Variants in PDE10A observed in about 807,000 individuals in gnomAD.
PDE10A encodes the protein phosphodiesterase 10A, also known as cAMP and cAMP-inhibited cGMP 3',5'-cyclic phosphodiesterase 10A.
PDE10A carries 39 observed loss-of-function variants against 97.7 expected under a neutral mutation model. The observed-to-expected ratio is 0.40, with a 90% CI of 0.31 to 0.52. The LOEUF (loss-of-function observed/expected upper bound fraction) is 0.52, where lower values mean the gene tolerates loss of function less well. PDE10A is among the 20% of genes least tolerant of loss of function. PDE10A has a pLI of 0.56. For synonymous variants in PDE10A, 371 were observed against 376.8 expected, an observed-to-expected ratio of 0.98 and a Z score of 0.18; for missense variants, 731 against 1,047.8, an observed-to-expected ratio of 0.70 and a Z score of 4.17.
chr6:165,687,868 GGTGGGGCCTGGAAGCTTGAAAT>G (rs1182136611), intron 1 of PDE10A, among the ~76,000 whole-genome samples: 2 of 152,166 alleles, frequency 1.3e-5, no homozygotes, highest in African/African-American at 4.8e-5. Flanking sequence ...AGCCTGGTGA[GGTGGGGCCTGGAAGCTTGAAAT>G]GTGGGGCCTG....
chr6:165,576,387 T>G (rs745926534), intron 1 of PDE10A: 1 of 780,794 alleles, frequency 1.3e-6, no homozygotes, highest in East Asian at 2.4e-5. Context: ...AAATTTCTTT[T>G]GCTGGCTTCG....
chr6:165,924,774 T>A (rs146721173), intron 1 of PDE10A, among the ~76,000 whole-genome samples: 1 of 152,158 alleles, frequency 6.6e-6, no homozygotes, highest in Non-Finnish European at 1.5e-5. Context: ...CCAAAATGGA[T>A]CACAAACTTA....
intron 1 of PDE10A, among the ~76,000 whole-genome samples, chr6:165,583,624 A>G (rs764114999): frequency 1.2e-4 from 19 of 152,228 alleles, no homozygotes; most frequent in Non-Finnish European, 1.9e-4. Flanking sequence ...TGTTCAAACC[A>G]TGTCCCCATA....
At chr6:165,965,439 A>T (rs368519484) in intron 1 of PDE10A, among the ~76,000 whole-genome samples, 1 of 152,156 alleles carries the variant, frequency 6.6e-6, no homozygotes, top group South Asian at 2.1e-4. Flanking sequence ...GAACACGGGA[A>T]TACGGAGCTG....
intron 1 of PDE10A, among the ~76,000 whole-genome samples, chr6:165,856,621 C>T (rs541946371): frequency 1.3e-5 from 2 of 152,342 alleles, no homozygotes; most frequent in African/African-American, 4.8e-5. Flanking sequence ...GATCAACTTA[C>T]AGAACATTTT....
intron 1 of PDE10A, among the ~76,000 whole-genome samples, chr6:165,809,106 G>A (rs145154903): frequency 2.0e-5 from 3 of 152,324 alleles, no homozygotes; most frequent in African/African-American, 4.8e-5. Flanking sequence ...GGACTAAAAT[G>A]TAAGTGTACA....
At chr6:165,642,805 C>A (rs557796501) in intron 1 of PDE10A, among the ~76,000 whole-genome samples, 1 of 152,228 alleles carries the variant, frequency 6.6e-6, no homozygotes, top group South Asian at 2.1e-4. Flanking sequence ...CGCTCTCTTG[C>A]GGCATACCTG....
At position 165,691,193 on chromosome 6, in the gene PDE10A, CTCTCTCTCCCCACACACA is replaced by C. The variant is rs1562687252; in HGVS notation, c.-614-147643_-614-147626del. Among the ~76,000 whole-genome samples, 146 of 65,438 alleles carry C rather than the reference CTCTCTCTCCCCACACACA, an allele frequency of 2.2e-3. 2 individuals are homozygous for C. Among genetic ancestry groups the C allele is most frequent in the Middle Eastern group, 7.9e-3 (1 of 126 alleles). 42.9% of individuals were successfully genotyped at this position (65,438 alleles called of 152,430 possible). A position where few individuals can be genotyped will look rare whatever the true frequency, so the allele number is the denominator to read the frequency against. On this transcript the variant is annotated intron_variant, in intron 1 of 19. Transcript: ENST00000366882. Reference sequence around the variant, plus strand: ...TCTTTCTCTCTCTCTCTCTCCCTCTCTCTCTCTCCCCACACACACACACACACACACACACACACACAC... The same window carrying C: ...TCTTTCTCTCTCTCTCTCTCCCTCTCCACACACACACACACACACACACAC...
At chr6:165,754,932 A>G (rs1488962138) in intron 1 of PDE10A, among the ~76,000 whole-genome samples, 2 of 152,228 alleles carry the variant, frequency 1.3e-5, no homozygotes, top group African/African-American at 4.8e-5. Flanking sequence ...TTGGGACTCA[A>G]TAAATAAACT....
At chr6:165,427,870 T>C (rs1019086695) in intron 10 of PDE10A, among the ~76,000 whole-genome samples, 7 of 152,116 alleles carry the variant, frequency 4.6e-5, no homozygotes, top group African/African-American at 1.7e-4. Context: ...GATAAAACCA[T>C]AGAAATAACT....
At chr6:165,479,289 C>T (rs1328139705) in intron 3 of PDE10A, among the ~76,000 whole-genome samples, 1 of 152,188 alleles carries the variant, frequency 6.6e-6, no homozygotes. Context: ...TGTTTCCACT[C>T]TTACTGTGTA....
intron 1 of PDE10A, among the ~76,000 whole-genome samples, chr6:165,905,511 T>G (rs1782236048): frequency 6.6e-6 from 1 of 152,164 alleles, no homozygotes. Flanking sequence ...AATAGCATGG[T>G]TATACTTGTA....
intron 13 of PDE10A, among the ~76,000 whole-genome samples, chr6:165,406,336 G>A (rs956341539): frequency 1.3e-4 from 19 of 150,896 alleles, no homozygotes; most frequent in African/African-American, 4.1e-4. Context: ...TCAATGCACT[G>A]GTATAAGATG....
At chr6:165,695,685 G>A (rs756128094) in intron 1 of PDE10A, among the ~76,000 whole-genome samples, 26 of 152,160 alleles carry the variant, frequency 1.7e-4, no homozygotes, top group Non-Finnish European at 3.5e-4. Context: ...TAAACCTGAG[G>A]GCACTCTCAA....
chr6:165,550,936 A>T (rs888207490), intron 1 of PDE10A, among the ~76,000 whole-genome samples: 2 of 152,232 alleles, frequency 1.3e-5, no homozygotes, highest in Non-Finnish European at 2.9e-5. Context: ...AAAAAATCTT[A>T]TTAGTTTCAA....
At chr6:165,617,755 T>C (rs911934068) in intron 1 of PDE10A, among the ~76,000 whole-genome samples, 4 of 152,092 alleles carry the variant, frequency 2.6e-5, no homozygotes, top group Admixed American at 2.0e-4. Flanking sequence ...TGAGCAAAGA[T>C]AAAGGTTATC....
At chr6:165,862,802 C>T (rs565492233) in intron 1 of PDE10A, among the ~76,000 whole-genome samples, 2 of 152,040 alleles carry the variant, frequency 1.3e-5, no homozygotes, top group Admixed American at 1.3e-4. Context: ...CCTCAGCCTC[C>T]CAAGTAGCTG....
chr6:165,778,045 T>C (rs1212479544), intron 1 of PDE10A, among the ~76,000 whole-genome samples: 1 of 150,994 alleles, frequency 6.6e-6, no homozygotes, highest in Non-Finnish European at 1.5e-5. Context: ...TTTTTTTCAT[T>C]TTTGCTACAT....
intron 5 of PDE10A, 78 bp downstream of exon 5, chr6:165,448,850 C>A (rs772731114): frequency 1.2e-6 from 1 of 842,036 alleles, no homozygotes. Flanking sequence ...CATGAAATGT[C>A]GGTTGTTTAT....
Sources: gnomAD v4.1 joint callset for allele counts (sites outside exome capture counted in the v4.1 genomes callset) on GRCh38, gnomAD v4.1.1 for gene constraint, MANE v1.5 for transcripts, NCBI Gene and HGNC (gene_info 2026-07-23, HGNC 2026-07-21) for gene names.